The following HPSE2 variants were observed in gnomAD, a reference collection of about 807,000 sequenced individuals.
HPSE2 encodes the protein heparanase 2 (inactive).
In HPSE2, 38 loss-of-function variants were observed where a neutral mutation model predicts 60.5. The ratio of observed to expected loss-of-function variants is 0.63; its 90% CI spans 0.48 to 0.82. HPSE2 has a LOEUF of 0.82. Ranked by LOEUF, HPSE2 falls within the 40% of genes least tolerant of loss-of-function variation. HPSE2 has a pLI of 0.00. For missense variants in HPSE2, 713 were observed against 740.4 expected (o/e 0.96, Z 0.43); for synonymous variants, 295 against 293.2 (o/e 1.01, Z -0.06).
At chr10:98,514,679 C>G (rs1298229168) in intron 9 of HPSE2, among the ~76,000 whole-genome samples, 1 of 142,682 alleles carries the variant, frequency 7.0e-6, no homozygotes, top group Middle Eastern at 3.4e-3. Flanking sequence ...GATTTTCTTT[C>G]AGGAAATCAT....
In HPSE2 at chr10:98,489,255, G is replaced by C. The variant is rs367748839; in HGVS notation, c.1466+796C>G. Among the ~76,000 whole-genome samples, 14 of 152,278 alleles carry C rather than the reference G, an allele frequency of 9.2e-5. No individual in the cohort carries two copies. The East Asian group carries it at 9.6e-4, about 10-fold the overall frequency. On this transcript the variant is annotated intron_variant, in intron 10 of 11. Transcript: ENST00000370552. The stretch of plus-strand genomic sequence containing the variant: ...ATTTGGCCAGATGGATTTTGCTTTA[G>C]GCACCCCCCACCCCTGATTATAGTT...
intron 9 of HPSE2, among the ~76,000 whole-genome samples, chr10:98,503,563 ACG>A (rs1431463338): frequency 5.9e-5 from 9 of 152,210 alleles, no homozygotes; most frequent in Non-Finnish European, 1.0e-4. Flanking sequence ...ATACTTGCAC[ACG>A]CATGTTTATA....
At chr10:98,508,286 T>C (rs1159457120) in intron 9 of HPSE2, among the ~76,000 whole-genome samples, 1 of 152,212 alleles carries the variant, frequency 6.6e-6, no homozygotes, top group Admixed American at 6.5e-5. Context: ...AAAAAGTCAA[T>C]TGCTGTCTGA....
At chr10:98,939,646 C>A (rs1417265996) in intron 3 of HPSE2, among the ~76,000 whole-genome samples, 1 of 143,278 alleles carries the variant, frequency 7.0e-6, no homozygotes, top group Admixed American at 7.0e-5. Context: ...GATTTTAACA[C>A]CCCACTGTCA....
chr10:99,172,706 T>C (rs1286485454), intron 2 of HPSE2, among the ~76,000 whole-genome samples: 1 of 152,040 alleles, frequency 6.6e-6, no homozygotes, highest in Non-Finnish European at 1.5e-5. Context: ...GGTGAAAACC[T>C]GTCTCTACTA....
the HPSE2 span, among the ~76,000 whole-genome samples, chr10:99,259,404 T>C: frequency 1.9e-4 from 29 of 151,416 alleles, no homozygotes; most frequent in African/African-American, 6.8e-4. Flanking sequence ...AAAAGACTTG[T>C]ATACAGGATA....
chr10:98,951,041 A>G (rs1451185843), intron 3 of HPSE2, among the ~76,000 whole-genome samples: 1 of 152,204 alleles, frequency 6.6e-6, no homozygotes, highest in Non-Finnish European at 1.5e-5. Context: ...AAGTGACAAA[A>G]AAAAGTGGTG....
chr10:99,236,285 G>C (rs1427187538), upstream of HPSE2, among the ~76,000 whole-genome samples: 1 of 152,024 alleles, frequency 6.6e-6, no homozygotes, highest in Admixed American at 6.5e-5. Flanking sequence ...TGTACCGTCT[G>C]GGTACAGAGC....
At chr10:99,177,847 C>T (rs565636602) in intron 2 of HPSE2, among the ~76,000 whole-genome samples, 134 of 152,242 alleles carry the variant, frequency 8.8e-4, no homozygotes, top group African/African-American at 3.1e-3. Context: ...CGCACTTATT[C>T]TAAAATTGAC....
intron 3 of HPSE2, among the ~76,000 whole-genome samples, chr10:98,791,961 C>T (rs1011072553): frequency 2.6e-5 from 4 of 152,154 alleles, no homozygotes; most frequent in East Asian, 1.9e-4. Flanking sequence ...GAAATTACCC[C>T]GTTCTCAATA....
At chr10:98,539,787 G>C (rs947054887) in intron 9 of HPSE2, among the ~76,000 whole-genome samples, 3 of 151,740 alleles carry the variant, frequency 2.0e-5, no homozygotes, top group African/African-American at 7.3e-5. Flanking sequence ...CAGTTTCTTG[G>C]CACTCTGCCC....
intron 11 of HPSE2, among the ~76,000 whole-genome samples, chr10:98,469,343 C>T (rs1486534875): frequency 1.3e-5 from 2 of 152,166 alleles, no homozygotes; most frequent in African/African-American, 4.8e-5. Context: ...ACTCAAACCA[C>T]AGGACACAAT....
chr10:99,257,776 A>G, the HPSE2 span, among the ~76,000 whole-genome samples: 2 of 151,974 alleles, frequency 1.3e-5, no homozygotes, highest in African/African-American at 2.4e-5. Context: ...TTTTGAAATC[A>G]CTAATAAAAA....
At chr10:98,612,588 TG>T (rs143074728) in intron 9 of HPSE2, among the ~76,000 whole-genome samples, 1,540 of 151,694 alleles carry the variant, frequency 0.01, 31 homozygotes, top group African/African-American at 0.035. Context: ...ACATAGTACA[TG>T]ATCAAGAAGA....
At chr10:99,049,966 T>C (rs931674916) in intron 3 of HPSE2, among the ~76,000 whole-genome samples, 1 of 152,146 alleles carries the variant, frequency 6.6e-6, no homozygotes, top group Non-Finnish European at 1.5e-5. Context: ...TATAAATGGC[T>C]AATAAGCACA....
chr10:99,014,695 G>C (rs1028697830), intron 3 of HPSE2, among the ~76,000 whole-genome samples: 1 of 152,112 alleles, frequency 6.6e-6, no homozygotes, highest in African/African-American at 2.4e-5. Flanking sequence ...CGTTTCTCTA[G>C]TGATTGGTGA....
At chr10:98,586,143 T>G (rs1308722429) in intron 9 of HPSE2, among the ~76,000 whole-genome samples, 1 of 152,148 alleles carries the variant, frequency 6.6e-6, no homozygotes, top group Non-Finnish European at 1.5e-5. Flanking sequence ...ATTAGGAAAT[T>G]GTAAAAAGTA....
chr10:98,892,011 T>C (rs1953349371), intron 3 of HPSE2, among the ~76,000 whole-genome samples: 2 of 152,144 alleles, frequency 1.3e-5, no homozygotes, highest in Admixed American at 1.3e-4. Flanking sequence ...GCTCAAGTGA[T>C]CTGCCCACCT....
In HPSE2 at chr10:98,685,686, A is replaced by G. The variant is rs138971635; in HGVS notation, c.1004+8214T>C. ...CCTGGGCTTTTACAAATTTTTGCCT[A>G]TTAAGAATAAAACTGCTATAAACAT... On this transcript the variant is annotated intron_variant, in intron 6 of 11. Transcript: ENST00000370552. 3.0e-4 allele frequency among the ~76,000 whole-genome samples: 45 copies of G among 152,248 alleles called. No individual in the cohort carries two copies. The East Asian group carries it at 8.3e-3, about 28-fold the overall frequency.
Sources: gnomAD v4.1 joint callset for allele counts (sites outside exome capture counted in the v4.1 genomes callset) on GRCh38, gnomAD v4.1.1 for gene constraint, MANE v1.5 for transcripts, NCBI Gene and HGNC (gene_info 2026-07-23, HGNC 2026-07-21) for gene names.